RNF150: variants seen among roughly 807,000 people sequenced by gnomAD.
RNF150 encodes ring finger protein 150.
In RNF150, 24 loss-of-function variants were observed where a neutral mutation model predicts 39.3. The observed-to-expected ratio is 0.61, with a 90% CI of 0.44 to 0.86. The LOEUF is 0.86. Ranked by LOEUF, RNF150 falls within the 40% of genes least tolerant of loss-of-function variation. RNF150 has a pLI of 0.00. For synonymous variants in RNF150, 255 were observed against 227.3 expected, an observed-to-expected ratio of 1.12 and a Z score of -1.10; for missense variants, 502 against 587.8, an observed-to-expected ratio of 0.85 and a Z score of 1.51.
At chr4:140,938,737 C>T (rs1423016323) in intron 4 of RNF150, among the ~76,000 whole-genome samples, 1 of 152,158 alleles carries the variant, frequency 6.6e-6, no homozygotes, top group Non-Finnish European at 1.5e-5. Flanking sequence ...CCAATTGATT[C>T]CCTTACTATT....
intron 1 of RNF150, among the ~76,000 whole-genome samples, chr4:141,158,768 T>C (rs2111154120): frequency 6.6e-6 from 1 of 151,860 alleles, no homozygotes; most frequent in East Asian, 1.9e-4. Context: ...CACATTGTTA[T>C]ATTCCAAGGA....
At chr4:140,960,792 T>C (rs1421661639) in intron 2 of RNF150, among the ~76,000 whole-genome samples, 1 of 152,162 alleles carries the variant, frequency 6.6e-6, no homozygotes, top group African/African-American at 2.4e-5. Context: ...ATGTAAGGTA[T>C]GTAAGAATTG....
chr4:141,163,921 C>G (rs1034811363), intron 1 of RNF150, among the ~76,000 whole-genome samples: 1 of 152,046 alleles, frequency 6.6e-6, no homozygotes, highest in Non-Finnish European at 1.5e-5. Flanking sequence ...AACTCCTCGA[C>G]AGCAAGGGAA....
intron 5 of RNF150, among the ~76,000 whole-genome samples, chr4:140,913,356 G>A (rs1730691927): frequency 6.6e-6 from 1 of 152,192 alleles, no homozygotes; most frequent in Non-Finnish European, 1.5e-5. Flanking sequence ...AGAGGCAGAT[G>A]CTCAAGAGCC....
upstream of RNF150, among the ~76,000 whole-genome samples, chr4:141,138,083 A>G (rs998452493): frequency 1.3e-5 from 2 of 152,348 alleles, no homozygotes; most frequent in Middle Eastern, 3.4e-3. Flanking sequence ...AGAAACTCTC[A>G]ACCTTGACGC....
At chr4:141,088,815 G>A (rs1015795668) in intron 1 of RNF150, among the ~76,000 whole-genome samples, 2 of 152,092 alleles carry the variant, frequency 1.3e-5, no homozygotes, top group African/African-American at 4.8e-5. Context: ...ACACCGGTCA[G>A]CAGTAAAACA....
In RNF150 at chr4:141,117,204, G is replaced by A. The variant is rs554711902; in HGVS notation, c.484+15121C>T. Among the ~76,000 whole-genome samples, 4 of 152,272 alleles carry A rather than the reference G, an allele frequency of 2.6e-5. No individual in the cohort carries two copies. In the South Asian group the frequency reaches 8.3e-4, roughly 32 times the overall value. On this transcript the variant is annotated intron_variant, in intron 1 of 6. Coordinates refer to ENST00000515673, the MANE Select transcript of RNF150 (RefSeq NM_020724.2). ...ATCCATAGGTGGCAAGGCTTGACTT[G>A]TGGAATAATTAAATCCATAATAATT...
chr4:141,136,825 A>G (rs1470690297), upstream of RNF150, among the ~76,000 whole-genome samples: 2 of 152,218 alleles, frequency 1.3e-5, no homozygotes, highest in Admixed American at 6.5e-5. Context: ...TGCTATGAAG[A>G]AAAAGGCAAC....
chr4:141,088,660 G>A (rs1489496174), intron 1 of RNF150, among the ~76,000 whole-genome samples: 4 of 146,672 alleles, frequency 2.7e-5, no homozygotes, highest in African/African-American at 1.0e-4. Flanking sequence ...AATATAAAGT[G>A]TAGAAACACT....
At chr4:141,211,957 A>T (rs1728475781) in intron 1 of RNF150, among the ~76,000 whole-genome samples, 1 of 152,230 alleles carries the variant, frequency 6.6e-6, no homozygotes, top group Non-Finnish European at 1.5e-5. Flanking sequence ...AAATAAATAG[A>T]AGAGGAAACT....
chr4:140,897,924 C>A (rs1424121271), intron 6 of RNF150, among the ~76,000 whole-genome samples: 1 of 152,120 alleles, frequency 6.6e-6, no homozygotes, highest in Non-Finnish European at 1.5e-5. Flanking sequence ...CAGGGTTGGG[C>A]CTTGACCTAG....
intron 1 of RNF150, among the ~76,000 whole-genome samples, chr4:141,026,887 T>G (rs968216761): frequency 2.0e-5 from 3 of 152,164 alleles, no homozygotes; most frequent in Non-Finnish European, 4.4e-5. Flanking sequence ...CTTTCAATAG[T>G]AAGCAACATA....
chr4:141,046,102 C>T (rs1226674404), intron 1 of RNF150, among the ~76,000 whole-genome samples: 1 of 151,952 alleles, frequency 6.6e-6, no homozygotes, highest in Non-Finnish European at 1.5e-5. Context: ...AGAAGATGGA[C>T]AGAAATGGAA....
chr4:140,906,385 A>G (rs1730375042), intron 6 of RNF150, among the ~76,000 whole-genome samples: 1 of 152,216 alleles, frequency 6.6e-6, no homozygotes, highest in Non-Finnish European at 1.5e-5. Flanking sequence ...CAACTATAAT[A>G]TTAGGTATAA....
Position 140,970,484 on chromosome 4 carries a change from A to T in RNF150, c.485-2611T>A, listed in dbSNP as rs542930313. Among the ~76,000 whole-genome samples, 4 of 102,338 alleles carry T rather than the reference A, an allele frequency of 3.9e-5. No individual in the cohort carries two copies. In the South Asian group the frequency reaches 1.5e-3, roughly 39 times the overall value. 67.1% of individuals were successfully genotyped at this position (102,338 alleles called of 152,430 possible). A position where few individuals can be genotyped will look rare whatever the true frequency, so the allele number is the denominator to read the frequency against. On this transcript the variant is annotated intron_variant, in intron 1 of 6. Transcript: ENST00000515673. ...TCACTATCCCCCTCCCCACCCATAC[A>T]ATATTCCTAAATTACTTATACTTAA...
At chr4:141,163,697 A>C (rs914858171) in intron 1 of RNF150, among the ~76,000 whole-genome samples, 1 of 152,228 alleles carries the variant, frequency 6.6e-6, no homozygotes, top group Non-Finnish European at 1.5e-5. Context: ...ACTCCAGCAG[A>C]CCTGTAGAAT....
intron 1 of RNF150, among the ~76,000 whole-genome samples, chr4:141,099,064 T>G (rs1272486224): frequency 6.6e-6 from 1 of 152,206 alleles, no homozygotes; most frequent in Non-Finnish European, 1.5e-5. Flanking sequence ...TCATTATTTC[T>G]GCCACTCTTA....
At chr4:140,911,060 C>A (rs970973928) in intron 6 of RNF150, 84 bp downstream of exon 6, 1 of 1,085,316 alleles carries the variant, frequency 9.2e-7, no homozygotes, top group Admixed American at 2.0e-5. Flanking sequence ...ATATTTTTTT[C>A]TTTTTGAGGA....
intron 1 of RNF150, among the ~76,000 whole-genome samples, chr4:141,128,162 T>C (rs926244075): frequency 6.6e-6 from 1 of 152,176 alleles, no homozygotes; most frequent in Non-Finnish European, 1.5e-5. Context: ...TGATCCAGTG[T>C]GTAGCTCCTG....
Sources: allele counts gnomAD v4.1 joint callset (sites outside exome capture counted in the v4.1 genomes callset), GRCh38; gene constraint gnomAD v4.1.1; transcripts MANE v1.5; gene names NCBI Gene and HGNC (gene_info 2026-07-23, HGNC 2026-07-21).